Variants in MYCN observed in about 807,000 individuals in gnomAD.
MYCN encodes N-myc proto-oncogene protein.
MYCN carries 3 observed loss-of-function variants against 28.1 expected under a neutral mutation model. The observed-to-expected ratio is 0.11, with a 90% CI of 0.05 to 0.28. The LOEUF is 0.28. Among genes scored for constraint, MYCN ranks in the 10% least tolerant of loss-of-function variants. MYCN has a pLI of 1.00. For synonymous variants in MYCN, 326 were observed against 288.3 expected (o/e 1.13, Z -1.32); for missense variants, 572 against 651.4 (o/e 0.88, Z 1.33).
intron 2 of MYCN, among the ~76,000 whole-genome samples, chr2:15,944,624 T>C (rs1435788932): frequency 6.6e-6 from 1 of 152,176 alleles, no homozygotes; most frequent in African/African-American, 2.4e-5. Flanking sequence ...CCTCAACTCT[T>C]TAAGTGTGGA....
rs374745691 is a variant in MYCN at position 15,942,175 on chromosome 2, C to A, written c.111C>A (p.Phe37Leu). 5.8e-5 allele frequency: 94 copies of A among 1,613,682 alleles called. No homozygotes were observed. Among genetic ancestry groups the A allele is most frequent in the African/African-American group, 8.0e-5 (6 of 74,934 alleles). ...CFYPDEDDFY[F>L]GGPDSTPPGE... Reference sequence around the variant, plus strand: ...ACCCGGACGAAGATGACTTCTACTTCGGCGGCCCCGACTCGACCCCCCCGG... The same window carrying A: ...ACCCGGACGAAGATGACTTCTACTTAGGCGGCCCCGACTCGACCCCCCCGG... Residue 37 changes from phenylalanine to leucine, a missense_variant, in exon 2 of 3, where the codon TTC (phenylalanine) becomes TTA (leucine). Phe to Leu is a conservative substitution (Grantham distance 22). This residue lies in a region of MYCN where 499 missense variants were observed against 524.3 expected (regional missense o/e 0.95). Transcript: ENST00000281043. The surrounding 1 kb of genome is among the most constrained non-coding windows in gnomAD (Gnocchi z 7.0).
Position 15,941,685 on chromosome 2 carries a change from G to A in MYCN, c.-117-263G>A. The A allele has an allele frequency of 2.7e-6, 1 of 375,920 alleles. No individual in the cohort carries two copies. Among genetic ancestry groups the A allele is most frequent in the Non-Finnish European group, 4.9e-6 (1 of 202,146 alleles). The allele number at this position is 375,920 out of a possible 1,614,324, so 23.3% of individuals were successfully genotyped here. A position where few individuals can be genotyped will look rare whatever the true frequency, so the allele number is the denominator to read the frequency against. ...AGGCAGTGCCTTGTGTGAATGAAAT[G>A]GCAGTTTCCAAAGTTGCGGAGCCTC... On this transcript the variant is annotated intron_variant, in intron 1 of 2. Transcript: ENST00000281043. This position sits in a 1 kb window ranked among gnomAD's most constrained non-coding sequence, Gnocchi z 4.8.
Position 15,945,409 on chromosome 2 carries a change from A to ATAAGCATACATAT in MYCN, c.791-80_791-68dup. Reference sequence around the variant, plus strand: ...TGCCAGGGTCTGCCGGAAGAGACAGATAAGCATACATATTAACATGGATAT... The same window carrying ATAAGCATACATAT: ...TGCCAGGGTCTGCCGGAAGAGACAGATAAGCATACATATTAAGCATACATATTAACATGGATAT... On this transcript the variant is annotated intron_variant, in intron 2 of 2. Transcript: ENST00000281043. The surrounding 1 kb of genome is among the most constrained non-coding windows in gnomAD (Gnocchi z 4.8). 1.3e-6 allele frequency: 2 copies of ATAAGCATACATAT among 1,490,592 alleles called. No homozygotes were observed. Among genetic ancestry groups the ATAAGCATACATAT allele is most frequent in the South Asian group, 2.4e-5 (2 of 82,430 alleles). 92.3% of individuals were successfully genotyped at this position (1,490,592 alleles called of 1,614,324 possible).
In MYCN at chr2:15,942,607, C is replaced by T. The variant is rs775315003; in HGVS notation, c.543C>T (p.His181=). 170 of 1,095,476 alleles carry T rather than the reference C, an allele frequency of 1.6e-4. No homozygotes were observed. The highest frequency in any genetic ancestry group is 9.4e-4 in the Admixed American group (21 of 22,306). The allele number at this position is 1,095,476 out of a possible 1,614,324, so 67.9% of individuals were successfully genotyped here. A position where few individuals can be genotyped will look rare whatever the true frequency, so the allele number is the denominator to read the frequency against. Residue 181 remains histidine (H), a synonymous_variant, in exon 2 of 3, where the codon CAC becomes CAT. Transcript: ENST00000281043. The surrounding 1 kb of genome is among the most constrained non-coding windows in gnomAD (Gnocchi z 7.0). ...AGAALPAELA[H]PAAECVDPAV... is the part of the protein sequence containing the mutation. ...CCGCCCTGCCCGCCGAGCTCGCCCA[C>T]CCGGCCGCCGAGTGCGTGGATCCCG...
At position 15,942,139 on chromosome 2, in the gene MYCN, G is replaced by A. The variant is rs764975322; in HGVS notation, c.75G>A (p.Gln25=). 45 of 1,613,852 alleles carry A rather than the reference G, an allele frequency of 2.8e-5. No individual in the cohort carries two copies. Among genetic ancestry groups the A allele is most frequent in the Non-Finnish European group, 3.7e-5 (44 of 1,180,028 alleles). ...KNPDLEFDSL[Q]PCFYPDEDDF... ...CAGACCTCGAGTTTGACTCGCTACA[G>A]CCCTGCTTCTACCCGGACGAAGATG... Residue 25 remains glutamine, a synonymous_variant, in exon 2 of 3, where the codon CAG becomes CAA. Coordinates refer to ENST00000281043, the MANE Select transcript of MYCN (RefSeq NM_005378.6). The surrounding 1 kb of genome is among the most constrained non-coding windows in gnomAD (Gnocchi z 7.0).
intron 2 of MYCN, among the ~76,000 whole-genome samples, chr2:15,944,369 A>G (rs560315828): frequency 2.0e-5 from 3 of 152,172 alleles, no homozygotes; most frequent in Non-Finnish European, 4.4e-5. Flanking sequence ...TGTTGCTGTT[A>G]TTATTGGTGG....
Position 15,946,328 on chromosome 2 carries a change from C to T in MYCN, c.*231C>T. ...AGCCTCCTCCACCTCACCTCCATGA[C>T]AGCGCTAAACGTTGGTGACGGTTGG... On this transcript the variant is annotated 3_prime_UTR_variant, in exon 3 of 3. Transcript: ENST00000281043. 1.7e-6 allele frequency: 1 copy of T among 595,828 alleles called. No homozygotes were observed. Among genetic ancestry groups the T allele is most frequent in the Non-Finnish European group, 3.0e-6 (1 of 338,326 alleles). 36.9% of individuals were successfully genotyped at this position (595,828 alleles called of 1,614,324 possible).
rs1275764497 is a variant in MYCN at position 15,942,156 on chromosome 2, A to G, written c.92A>G (p.Asp31Gly). 2.5e-6 allele frequency: 4 copies of G among 1,613,862 alleles called. No homozygotes were observed. The highest frequency in any genetic ancestry group is 4.5e-5 in the East Asian group (2 of 44,844). The change falls in exon 2 of 3, where the codon GAC becomes GGC. Residue 31 changes from aspartate to glycine, a missense_variant. Transcript: ENST00000281043. This position sits in a 1 kb window ranked among gnomAD's most constrained non-coding sequence, Gnocchi z 7.0. ...TCGCTACAGCCCTGCTTCTACCCGG[A>G]CGAAGATGACTTCTACTTCGGCGGC... ...FDSLQPCFYP[D>G]EDDFYFGGPD...
rs942444707 is a variant in MYCN at position 15,941,745 on chromosome 2, C to T, written c.-117-203C>T. ...CCCTGCATCTGCATGCCCCCTCCCA[C>T]CCCCTGTCGTAGACAGCTTGTACAC... is the stretch of plus-strand genomic sequence containing the variant. On this transcript the variant is annotated intron_variant, in intron 1 of 2. Coordinates refer to ENST00000281043, the MANE Select transcript of MYCN (RefSeq NM_005378.6). This position sits in a 1 kb window ranked among gnomAD's most constrained non-coding sequence, Gnocchi z 4.8. 65 of 491,494 alleles carry T rather than the reference C, an allele frequency of 1.3e-4. 1 individual carries two copies. The South Asian group carries it at 1.5e-3, about 12-fold the overall frequency. 30.4% of individuals were successfully genotyped at this position (491,494 alleles called of 1,614,324 possible).
rs894007833 is a variant in MYCN at position 15,942,742 on chromosome 2, C to A, written c.678C>A (p.Ala226=). Residue 226 remains alanine, a synonymous_variant, in exon 2 of 3, where the codon GCC becomes GCA. Transcript: ENST00000281043. This position sits in a 1 kb window ranked among gnomAD's most constrained non-coding sequence, Gnocchi z 7.0. ...CGGTCGCCTCGGGGGCGGGTATTGC[C>A]GCCCCAGCCGGGGCCCCGGGGGTCG... The part of the protein sequence containing the change: ...GPAVASGAGI[A]APAGAPGVAP... 6 of 1,349,160 alleles carry A rather than the reference C, an allele frequency of 4.4e-6. No homozygotes were observed. The highest frequency in any genetic ancestry group is 1.5e-5 in the African/African-American group (1 of 66,334). The allele number at this position is 1,349,160 out of a possible 1,614,324, so 83.6% of individuals were successfully genotyped here.
Position 15,945,564 on chromosome 2 carries a change from T to C in MYCN, c.862T>C (p.Ser288Pro). 6.2e-7 allele frequency: 1 copy of C among 1,614,062 alleles called. No individual in the cohort carries two copies. The highest frequency in any genetic ancestry group is 8.5e-7 in the Non-Finnish European group (1 of 1,179,994). The part of the protein sequence containing the change: ...DVVTVEKRRS[S>P]SNTKAVTTFT... The stretch of plus-strand genomic sequence containing the variant: ...GGTCACTGTGGAGAAGCGGCGTTCC[T>C]CCTCCAACACCAAGGCTGTCACCAC... The change falls in exon 3 of 3, where the codon TCC becomes CCC. Residue 288 changes from serine to proline, a missense_variant. Transcript: ENST00000281043. The surrounding 1 kb of genome is among the most constrained non-coding windows in gnomAD (Gnocchi z 4.8).
At position 15,945,846 on chromosome 2, in the gene MYCN, C is replaced by T. The variant is rs746256291; in HGVS notation, c.1144C>T (p.Arg382Cys). 6.2e-7 allele frequency: 1 copy of T among 1,613,924 alleles called. No individual in the cohort carries two copies. Among genetic ancestry groups the T allele is most frequent in the Admixed American group, 1.7e-5 (1 of 60,002 alleles). Residue 382 changes from arginine to cysteine, a missense_variant, in exon 3 of 3, where the codon CGT becomes TGT. By Grantham distance (180) the Arg-to-Cys change is radical (BLOSUM62 -3). Coordinates refer to ENST00000281043, the MANE Select transcript of MYCN (RefSeq NM_005378.6). The surrounding 1 kb of genome is among the most constrained non-coding windows in gnomAD (Gnocchi z 4.8). Reference sequence around the variant, plus strand: ...AAACTCTGACTCGGAGGACAGTGAGCGTCGCAGAAACCACAACATCCTGGA... The same window carrying T: ...AAACTCTGACTCGGAGGACAGTGAGTGTCGCAGAAACCACAACATCCTGGA... ...PRNSDSEDSERRRNHNILERQ... is the reference protein window; with the variant it reads ...PRNSDSEDSECRRNHNILERQ...
At chr2:15,943,025 A>G (rs1200424387) in intron 2 of MYCN, among the ~76,000 whole-genome samples, 171 bp downstream of exon 2, 2 of 152,200 alleles carry the variant, frequency 1.3e-5, no homozygotes, top group Non-Finnish European at 2.9e-5. Context: ...GAAGGGGCTG[A>G]GAGAATGCCG....
In MYCN at chr2:15,945,231, C is replaced by T. The variant is rs1378764005; in HGVS notation, c.791-262C>T. 2.0e-5 allele frequency among the ~76,000 whole-genome samples: 3 copies of T among 152,070 alleles called. No individual in the cohort carries two copies. Among genetic ancestry groups the T allele is most frequent in the Admixed American group, 6.6e-5 (1 of 15,258 alleles). On this transcript the variant is annotated intron_variant, in intron 2 of 2. Transcript: ENST00000281043. This position sits in a 1 kb window ranked among gnomAD's most constrained non-coding sequence, Gnocchi z 4.8. ...GCCAGGCTGATCTTGAACTCCTCAT[C>T]TCAGGTGATCTGCCCGCCTCCGCTT...
intron 2 of MYCN, among the ~76,000 whole-genome samples, chr2:15,944,250 A>T (rs747695837): frequency 2.0e-5 from 3 of 152,146 alleles, no homozygotes; most frequent in Non-Finnish European, 4.4e-5. Context: ...CAAGCAGAAG[A>T]TATGTTTTGA....
chr2:15,942,391 G>A lies in MYCN; in HGVS notation c.327G>A (p.Pro109=), dbSNP rs1472213562. 12 of 1,607,548 alleles carry A rather than the reference G, an allele frequency of 7.5e-6. No homozygotes were observed. Among genetic ancestry groups the A allele is most frequent in the Admixed American group, 6.7e-5 (4 of 59,798 alleles). ...GACTGGGTGGCCTCACCCCCAACCC[G>A]GTCATCCTCCAGGACTGCATGTGGA... ...LGGLGGLTPN[P]VILQDCMWSG... is the part of the protein sequence containing the mutation. The change falls in exon 2 of 3, where the codon CCG becomes CCA. Residue 109 remains proline, a synonymous_variant. Transcript: ENST00000281043. This position sits in a 1 kb window ranked among gnomAD's most constrained non-coding sequence, Gnocchi z 7.0.
Position 15,942,585 on chromosome 2 carries a change from C to A in MYCN, c.521C>A (p.Ala174Asp), listed in dbSNP as rs1364992676. Residue 174 changes from alanine (A) to aspartate (D), a missense_variant, in exon 2 of 3, where the codon GCC becomes GAC. By Grantham distance (126) the Ala-to-Asp change is moderately radical. Around this residue, in one of 3 missense-constraint regions of MYCN, gnomAD observed 499 missense variants for 524.3 expected, o/e 0.95. Transcript: ENST00000281043. This position sits in a 1 kb window ranked among gnomAD's most constrained non-coding sequence, Gnocchi z 7.0. ...GAAGAGRAGAALPAELAHPAA... is the reference protein window; with the variant it reads ...GAAGAGRAGADLPAELAHPAA... ...GCGGGAGCCGGCCGCGCCGGGGCCG[C>A]CCTGCCCGCCGAGCTCGCCCACCCG... 1 of 1,068,616 alleles carries A rather than the reference C, an allele frequency of 9.4e-7. No homozygotes were observed. Among genetic ancestry groups the A allele is most frequent in the African/African-American group, 1.7e-5 (1 of 58,866 alleles). 66.2% of individuals were successfully genotyped at this position (1,068,616 alleles called of 1,614,324 possible).
Position 15,945,278 on chromosome 2 carries a change from G to C in MYCN, c.791-215G>C, listed in dbSNP as rs193218230. On this transcript the variant is annotated intron_variant, in intron 2 of 2. Coordinates refer to ENST00000281043, the MANE Select transcript of MYCN (RefSeq NM_005378.6). This position sits in a 1 kb window ranked among gnomAD's most constrained non-coding sequence, Gnocchi z 4.8. ...GCTTCCCAAAGTGCTGGGATTACAG[G>C]TGTGAGTCACCGCGTCCGGCCTACA... Among the ~76,000 whole-genome samples, 7 of 152,184 alleles carry C rather than the reference G, an allele frequency of 4.6e-5. No individual in the cohort carries two copies. In the East Asian group the frequency reaches 1.4e-3, roughly 29 times the overall value.
chr2:15,946,433 G>T lies in MYCN; in HGVS notation c.*336G>T, dbSNP rs773220376. On this transcript the variant is annotated 3_prime_UTR_variant, in exon 3 of 3. Transcript: ENST00000281043. ...AAAGTCATTCCTTCTTTTTAAAATGGTGCTTAAGTTCCAGCAGATGCCACA... is the reference window on the plus strand; with the variant it reads ...AAAGTCATTCCTTCTTTTTAAAATGTTGCTTAAGTTCCAGCAGATGCCACA... 3.4e-5 allele frequency: 15 copies of T among 434,792 alleles called. 1 individual carries two copies. Among genetic ancestry groups the T allele is most frequent in the Middle Eastern group, 1.3e-3 (2 of 1,528 alleles). 26.9% of individuals were successfully genotyped at this position (434,792 alleles called of 1,614,324 possible).
Sources: allele counts gnomAD v4.1 joint callset (sites outside exome capture counted in the v4.1 genomes callset), GRCh38; gene constraint gnomAD v4.1.1; regional missense constraint gnomAD v4.1.1; non-coding constraint Gnocchi (gnomAD v3.1); transcripts MANE v1.5; gene names NCBI Gene and HGNC (gene_info 2026-07-23, HGNC 2026-07-21).